Variants in TRHDE observed in about 807,000 individuals in gnomAD.
TRHDE encodes the protein thyrotropin-releasing hormone-degrading ectoenzyme.
Under a neutral mutation model 125.7 loss-of-function variants are expected in TRHDE, and 72 were observed. The ratio of observed to expected loss-of-function variants is 0.57; its 90% CI spans 0.47 to 0.70. The LOEUF (loss-of-function observed/expected upper bound fraction) is 0.70. Ranked by LOEUF, TRHDE falls within the 30% of genes least tolerant of loss-of-function variation. The probability of loss-of-function intolerance (pLI) is 0.00; values close to 1 mark genes in which losing one functional copy is unlikely to be tolerated. For missense variants in TRHDE, 1,110 were observed against 1,327.1 expected (o/e 0.84, Z 2.54); for synonymous variants, 509 against 509.1 (o/e 1.00, Z 0.00).
At chr12:72,495,060 GT>G (rs751243542) in intron 5 of TRHDE, among the ~76,000 whole-genome samples, 2,224 of 58,324 alleles carry the variant, frequency 0.038, 70 homozygotes, top group African/African-American at 0.12. Context: ...TTCCTCCCCC[GT>G]TTTTTTTTTT....
At position 72,233,812 on chromosome 12, in the gene TRHDE, C is replaced by G. The variant is rs138394069; in HGVS notation, n.279+128060C>G. Among the ~76,000 whole-genome samples, 541 of 152,232 alleles carry G rather than the reference C, an allele frequency of 3.6e-3. 12 individuals carry two copies. The highest frequency in any genetic ancestry group is 0.033 in the Admixed American group (509 of 15,278). On this transcript the variant is annotated intron_variant and non_coding_transcript_variant, in intron 2 of 4. Transcript: ENST00000548156. ...TCCAAATGCTTGGCAAAGTTATTCTCTTTTACAAGATTCCACTTTTTTCCC... is the reference window on the plus strand; with the variant it reads ...TCCAAATGCTTGGCAAAGTTATTCTGTTTTACAAGATTCCACTTTTTTCCC...
At chr12:72,528,085 G>A (rs1868372065) in intron 6 of TRHDE, among the ~76,000 whole-genome samples, 1 of 152,056 alleles carries the variant, frequency 6.6e-6, no homozygotes, top group Non-Finnish European at 1.5e-5. Context: ...TTCCAGCCAT[G>A]CTTCTTTAAG....
At position 72,665,055 on chromosome 12, in the gene TRHDE, A is replaced by C. The variant is rs937375409; in HGVS notation, c.*1860A>C. 2 of 152,024 alleles carry C rather than the reference A, an allele frequency of 1.3e-5. No homozygotes were observed. The highest frequency in any genetic ancestry group is 2.9e-5 in the Non-Finnish European group (2 of 67,954). 9.4% of individuals were successfully genotyped at this position (152,024 alleles called of 1,614,324 possible). A position where few individuals can be genotyped will look rare whatever the true frequency, so the allele number is the denominator to read the frequency against. On this transcript the variant is annotated 3_prime_UTR_variant, in exon 19 of 19. Coordinates refer to ENST00000261180, the MANE Select transcript of TRHDE (RefSeq NM_013381.3). ...TGATAAAATCCAGTTACCACATATC[A>C]CGTTTATAAAATCCTTAATTAAATG...
At chr12:72,122,549 A>G (rs1026830703) in intron 2 of TRHDE, among the ~76,000 whole-genome samples, 1 of 152,190 alleles carries the variant, frequency 6.6e-6, no homozygotes, top group Non-Finnish European at 1.5e-5. Context: ...AATGATTTCT[A>G]GAGAGTTTTT....
intron 12 of TRHDE, among the ~76,000 whole-genome samples, chr12:72,606,534 C>G (rs2136064709): frequency 6.6e-6 from 1 of 152,294 alleles, no homozygotes; most frequent in Non-Finnish European, 1.5e-5. Flanking sequence ...AAAGGAAATA[C>G]TGTTTCCCCC....
intron 6 of TRHDE, among the ~76,000 whole-genome samples, chr12:72,519,018 G>C (rs1489743625): frequency 1.3e-5 from 2 of 152,232 alleles, no homozygotes; most frequent in Non-Finnish European, 2.9e-5. Context: ...GAGATCTGCT[G>C]TTAGTCTGAT....
chr12:72,592,694 C>T (rs192137528), intron 12 of TRHDE, among the ~76,000 whole-genome samples: 179 of 142,850 alleles, frequency 1.3e-3, no homozygotes, highest in African/African-American at 4.6e-3. Context: ...TAGGTGATTT[C>T]TTTTCTTTTC....
At chr12:72,595,106 A>C (rs1871873995) in intron 12 of TRHDE, among the ~76,000 whole-genome samples, 1 of 103,634 alleles carries the variant, frequency 9.6e-6, no homozygotes, top group Non-Finnish European at 1.8e-5. Context: ...CACTCTGGGG[A>C]CTGTTGTGGG....
chr12:72,655,967 C>G (rs1287750614), intron 17 of TRHDE, among the ~76,000 whole-genome samples: 2 of 152,052 alleles, frequency 1.3e-5, no homozygotes, highest in Non-Finnish European at 2.9e-5. Flanking sequence ...TCTACAGAAG[C>G]TAAATTAAAT....
chr12:72,318,733 A>G (rs1868932477), intron 2 of TRHDE, among the ~76,000 whole-genome samples: 1 of 151,856 alleles, frequency 6.6e-6, no homozygotes, highest in African/African-American at 2.4e-5. Flanking sequence ...TTTGTGCCTT[A>G]ATATCCTTGT....
intron 12 of TRHDE, among the ~76,000 whole-genome samples, chr12:72,579,575 T>G (rs1415496541): frequency 6.6e-6 from 1 of 152,190 alleles, no homozygotes; most frequent in Non-Finnish European, 1.5e-5. Context: ...TAATTATTTT[T>G]AAGCTTTGTG....
chr12:72,413,004 G>A (rs1287468212), intron 3 of TRHDE, among the ~76,000 whole-genome samples: 5 of 151,900 alleles, frequency 3.3e-5, no homozygotes, highest in African/African-American at 1.2e-4. Flanking sequence ...TTATGAAGTG[G>A]TTTATTAAGT....
At chr12:72,567,914 A>AGTT (rs1169835290) in intron 9 of TRHDE, among the ~76,000 whole-genome samples, 1 of 152,074 alleles carries the variant, frequency 6.6e-6, no homozygotes, top group Non-Finnish European at 1.5e-5. Flanking sequence ...TCTTTTTAAT[A>AGTT]GTTGAGTTTC....
intron 12 of TRHDE, among the ~76,000 whole-genome samples, chr12:72,587,828 A>C (rs1871506553): frequency 2.6e-5 from 4 of 152,152 alleles, no homozygotes; most frequent in Admixed American, 2.6e-4. Flanking sequence ...GGTAAACTAA[A>C]TGTAAGGCAG....
At chr12:72,180,265 G>T (rs12231231) in intron 2 of TRHDE, among the ~76,000 whole-genome samples, 2 of 152,034 alleles carry the variant, frequency 1.3e-5, no homozygotes, top group Non-Finnish European at 2.9e-5. Flanking sequence ...AGGACATGCA[G>T]AAATATTTGT....
At chr12:72,133,173 A>T (rs571444309) in intron 2 of TRHDE, among the ~76,000 whole-genome samples, 14 of 152,226 alleles carry the variant, frequency 9.2e-5, no homozygotes, top group Non-Finnish European at 1.9e-4. Flanking sequence ...ATAGCTATTG[A>T]CAATTTAAAG....
intron 1 of TRHDE, among the ~76,000 whole-genome samples, chr12:72,098,766 C>T (rs1340286604): frequency 6.6e-6 from 1 of 152,178 alleles, no homozygotes; most frequent in Non-Finnish European, 1.5e-5. Context: ...GTGAGTGAGG[C>T]CATCTTGCAC....
chr12:72,466,925 C>T (rs79801149), intron 3 of TRHDE, among the ~76,000 whole-genome samples: 2,741 of 152,224 alleles, frequency 0.018, 103 homozygotes, highest in African/African-American at 0.062. Flanking sequence ...GTCCTGCACA[C>T]GCTCACATAT....
chr12:72,125,423 A>G (rs187770664), intron 2 of TRHDE, among the ~76,000 whole-genome samples: 1 of 152,258 alleles, frequency 6.6e-6, no homozygotes, highest in Admixed American at 6.5e-5. Flanking sequence ...GGTGCCCATG[A>G]TAGAGTTGGT....
Sources: gnomAD v4.1 joint callset for allele counts (sites outside exome capture counted in the v4.1 genomes callset) on GRCh38, gnomAD v4.1.1 for gene constraint, MANE v1.5 for transcripts, NCBI Gene and HGNC (gene_info 2026-07-23, HGNC 2026-07-21) for gene names.